VKORC1: variants seen among roughly 807,000 people sequenced by gnomAD.
The protein encoded by VKORC1 is vitamin K epoxide reductase complex subunit 1, also known as phylloquinone epoxide reductase.
In VKORC1, 12 loss-of-function variants were observed where a neutral mutation model predicts 14.8. That is an observed-to-expected ratio of 0.81 (90% confidence interval 0.52 to 1.31). The LOEUF (loss-of-function observed/expected upper bound fraction) is 1.31. Among genes scored for constraint, VKORC1 ranks in the 50% most tolerant of loss-of-function variants. The pLI is 0.00. For missense variants in VKORC1, 223 were observed against 215.3 expected, an observed-to-expected ratio of 1.04 and a Z score of -0.22; for synonymous variants, 94 against 92.5, an observed-to-expected ratio of 1.02 and a Z score of -0.09.
At chr16:31,094,533 C>CA in intron 1 of VKORC1, 24 bp downstream of exon 1, 8 of 1,612,476 alleles carry the variant, frequency 5.0e-6, no homozygotes, top group Non-Finnish European at 6.8e-6. Context: ...TCCGAGGCCC[C>CA]ACGCCTCCCA....
chr16:31,094,183 A>C, intron 1 of VKORC1: 2 of 1,580,498 alleles, frequency 1.3e-6, no homozygotes, highest in Non-Finnish European at 1.7e-6. Flanking sequence ...ACGCACAGCC[A>C]GACCGGGCCA....
intron 1 of VKORC1, 85 bp downstream of exon 1, chr16:31,094,472 C>A (rs1156784871): frequency 6.2e-7 from 1 of 1,612,886 alleles, no homozygotes; most frequent in Non-Finnish European, 8.5e-7. Context: ...GTTCCCCGGG[C>A]ACACCGATCC....
intron 2 of VKORC1, 151 bp from the exon 3 acceptor site, chr16:31,091,493 G>GTC: frequency 6.8e-7 from 1 of 1,474,690 alleles, no homozygotes; most frequent in Non-Finnish European, 9.1e-7. Flanking sequence ...GCTTACGCAC[G>GTC]TATTCCAAAC....
In VKORC1 at chr16:31,093,557, G is replaced by A. The variant is rs9934438; in HGVS notation, c.174-136C>T. 0.37 allele frequency: 577,074 copies of A among 1,543,178 alleles called. 119,212 individuals carry two copies. Among genetic ancestry groups the A allele is most frequent in the East Asian group, 0.9 (36,895 of 40,898 alleles). ...CCCCGACCTCCCATCCTAGTCCAAG[G>A]GTCGATGATCTCCTGGCACCGGGCA... On this transcript the variant is annotated intron_variant, in intron 1 of 2. Transcript: ENST00000394975.
chr16:31,093,284 C>A, intron 2 of VKORC1, 28 bp downstream of exon 2: 3 of 1,019,882 alleles, frequency 2.9e-6, no homozygotes, highest in Non-Finnish European at 3.6e-6. Context: ...CGGGGCGGGG[C>A]GGGCAGGGAG....
chr16:31,093,552 C>A, intron 1 of VKORC1, 131 bp from the exon 2 acceptor site: 1 of 1,548,436 alleles, frequency 6.5e-7, no homozygotes, highest in Non-Finnish European at 8.7e-7. Context: ...CCATCCTAGT[C>A]CAAGGGTCGA....
At chr16:31,092,790 A>AT in intron 2 of VKORC1, 2 of 1,279,524 alleles carry the variant, frequency 1.6e-6, no homozygotes, top group Non-Finnish European at 2.0e-6. Context: ...CACGCCTGTA[A>AT]TCCCCCCAGC....
intron 2 of VKORC1, chr16:31,092,656 C>G: frequency 8.4e-7 from 1 of 1,193,060 alleles, no homozygotes; most frequent in African/African-American, 1.6e-5. Context: ...TCTTATGGGA[C>G]TAGATACAAA....
chr16:31,094,380 C>T, intron 1 of VKORC1, 177 bp downstream of exon 1: 2 of 1,612,940 alleles, frequency 1.2e-6, no homozygotes, highest in African/African-American at 1.3e-5. Flanking sequence ...TCCCTTGCCT[C>T]GCACTCTTAT....
At chr16:31,094,514 C>T in intron 1 of VKORC1, 43 bp downstream of exon 1, 1 of 1,612,524 alleles carries the variant, frequency 6.2e-7, no homozygotes, top group East Asian at 2.2e-5. Context: ...GGCATCCTGG[C>T]CGCCCTGCTC....
In VKORC1 at chr16:31,094,774, C is replaced by T. The variant is rs759852599; in HGVS notation, c.-45G>A. ...AGGCGCCCGCGGAGAAAACCAGCCACGGAGCAGGGGCCGGGCGGCGAATGG... is the reference window on the plus strand; with the variant it reads ...AGGCGCCCGCGGAGAAAACCAGCCATGGAGCAGGGGCCGGGCGGCGAATGG... On this transcript the variant is annotated 5_prime_UTR_variant, in exon 1 of 3. The change creates a new upstream start codon in the 5' untranslated region. Transcript: ENST00000394975. The T allele has an allele frequency of 3.8e-6, 6 of 1,560,588 alleles. No individual in the cohort carries two copies. The South Asian group carries it at 4.6e-5, about 12-fold the overall frequency.
At chr16:31,092,176 CAAAAAAAAAAA>C (rs35224256) in intron 2 of VKORC1, among the ~76,000 whole-genome samples, 26 of 37,200 alleles carry the variant, frequency 7.0e-4, no homozygotes, top group South Asian at 1.7e-3. Flanking sequence ...GACTATGTCG[CAAAAAAAAAAA>C]AAAAAAAAAA....
In VKORC1 at chr16:31,094,633, G is replaced by A; in HGVS notation, c.97C>T (p.Arg33Cys). The A allele has an allele frequency of 1.2e-6, 2 of 1,606,346 alleles. No homozygotes were observed. The highest frequency in any genetic ancestry group is 1.1e-5 in the South Asian group (1 of 90,518). ...SLYALHVKAA[R>C]ARDRDYRALC... ...GCGCGGTAATCCCGGTCCCGGGCGCGCGCCGCCTTCACGTGCAGCGCGTAG... is the reference window on the plus strand; with the variant it reads ...GCGCGGTAATCCCGGTCCCGGGCGCACGCCGCCTTCACGTGCAGCGCGTAG... The change falls in exon 1 of 3, where the codon CGC (arginine) becomes TGC (cysteine). Residue 33 changes from arginine to cysteine, a missense_variant. Arg to Cys is a radical substitution (Grantham distance 180). Coordinates refer to ENST00000394975, the MANE Select transcript of VKORC1 (RefSeq NM_024006.6).
intron 2 of VKORC1, among the ~76,000 whole-genome samples, chr16:31,093,025 C>A (rs1430288991): frequency 6.6e-6 from 1 of 151,586 alleles, no homozygotes; most frequent in Non-Finnish European, 1.5e-5. Flanking sequence ...GCATCCTAGA[C>A]CTCACTTTGG....
At chr16:31,093,207 G>T in intron 2 of VKORC1, 105 bp downstream of exon 2, 1 of 1,196,636 alleles carries the variant, frequency 8.4e-7, no homozygotes, top group South Asian at 1.3e-5. Flanking sequence ...CAGCTAGCTG[G>T]CTGTCAGCTG....
rs1159906877 is a variant in VKORC1 at position 31,093,316 on chromosome 16, C to T, written c.279G>A (p.Leu93=). ...FGCIFYTLQL[L]LGCLRTRWAS... ...GGAGGGGGCGGAGCCACTCACCTAA[C>T]AATAGCTGTAGTGTGTAGAAGATGC... The change falls in exon 2 of 3, where the codon TTG becomes TTA. Residue 93 remains leucine (L), a synonymous_variant. Coordinates refer to ENST00000394975, the MANE Select transcript of VKORC1 (RefSeq NM_024006.6). The T allele has an allele frequency of 3.7e-6, 6 of 1,613,442 alleles. No homozygotes were observed. The highest frequency in any genetic ancestry group is 1.7e-5 in the Admixed American group (1 of 59,980).
intron 1 of VKORC1, chr16:31,093,959 C>T (rs1567421890): frequency 6.3e-6 from 3 of 472,592 alleles, no homozygotes; most frequent in Non-Finnish European, 7.4e-6. Flanking sequence ...CCGCCTCGGC[C>T]TCCCAAAGTG....
chr16:31,094,457 T>C, intron 1 of VKORC1, 100 bp downstream of exon 1: 14 of 1,612,902 alleles, frequency 8.7e-6, no homozygotes, highest in Non-Finnish European at 1.2e-5. Context: ...TCCAGCCCCG[T>C]GTCCGTTCCC....
At position 31,094,650 on chromosome 16, in the gene VKORC1, A is replaced by G; in HGVS notation, c.80T>C (p.Leu27Pro). The change falls in exon 1 of 3, where the codon CTG becomes CCG. Residue 27 changes from leucine to proline, a missense_variant. Physicochemically the swap from Leu to Pro is moderately conservative, Grantham distance 98 (BLOSUM62 -3). Coordinates refer to ENST00000394975, the MANE Select transcript of VKORC1 (RefSeq NM_024006.6). Reference sequence around the variant, plus strand: ...CCGGGCGCGCGCCGCCTTCACGTGCAGCGCGTAGAGCGAGAGCACTAAGCC... The same window carrying G: ...CCGGGCGCGCGCCGCCTTCACGTGCGGCGCGTAGAGCGAGAGCACTAAGCC... ...LTGLVLSLYA[L>P]HVKAARARDR... is the part of the protein sequence containing the mutation. The G allele has an allele frequency of 3.7e-6, 6 of 1,607,272 alleles. No homozygotes were observed. Among genetic ancestry groups the G allele is most frequent in the Non-Finnish European group, 5.1e-6 (6 of 1,178,412 alleles).
Sources: allele counts gnomAD v4.1 joint callset (sites outside exome capture counted in the v4.1 genomes callset), GRCh38; gene constraint gnomAD v4.1.1; transcripts MANE v1.5; gene names NCBI Gene and HGNC (gene_info 2026-07-23, HGNC 2026-07-21).